The following CAMSAP2 variants were observed in gnomAD, a reference collection of about 807,000 sequenced individuals.
CAMSAP2 encodes the protein calmodulin regulated spectrin associated protein family member 2.
Under a neutral mutation model 146.1 loss-of-function variants are expected in CAMSAP2, and 26 were observed. The ratio of observed to expected loss-of-function variants is 0.18; its 90% confidence interval spans 0.13 to 0.25. The LOEUF (loss-of-function observed/expected upper bound fraction) is 0.25, where lower values mean the gene tolerates loss of function less well. Ranked by LOEUF, CAMSAP2 falls within the 10% of genes least tolerant of loss-of-function variation. CAMSAP2 has a pLI of 1.00. For missense variants in CAMSAP2, 1,381 were observed against 1,759.3 expected (o/e 0.78, Z 3.85); for synonymous variants, 499 against 596.6 (o/e 0.84, Z 2.38).
rs149098535 is a variant in CAMSAP2 at position 200,744,673 on chromosome 1, G to A, written c.139+4707G>A. Among the ~76,000 whole-genome samples the A allele has an allele frequency of 5.3e-3, 803 of 152,292 alleles. 11 individuals carry two copies. Among genetic ancestry groups the A allele is most frequent in the South Asian group, 0.013 (63 of 4,820 alleles). ...GTTAGGATGCGGTGGGGTGGCAGGG[G>A]AGAGGCCATTTCCAGCCTCATCAGT... On this transcript the variant is annotated intron_variant, in intron 1 of 16. Coordinates refer to ENST00000358823, the MANE Select transcript of CAMSAP2 (RefSeq NM_203459.4).
At chr1:200,749,287 A>G (rs1466084814) in intron 1 of CAMSAP2, among the ~76,000 whole-genome samples, 2 of 152,222 alleles carry the variant, frequency 1.3e-5, no homozygotes, top group East Asian at 1.9e-4. Flanking sequence ...GACATGGGAC[A>G]AGGAAGCCTG....
chr1:200,748,696 T>C (rs898152566), intron 1 of CAMSAP2, among the ~76,000 whole-genome samples: 7 of 152,114 alleles, frequency 4.6e-5, no homozygotes, highest in African/African-American at 1.7e-4. Context: ...AGTTTCTCTT[T>C]GTCCTCTGTA....
chr1:200,798,956 A>G (rs1409801513), intron 2 of CAMSAP2, among the ~76,000 whole-genome samples: 1 of 151,870 alleles, frequency 6.6e-6, no homozygotes, highest in East Asian at 1.9e-4. Context: ...CTCTGTTTAT[A>G]TGCTGGATTA....
At chr1:200,833,168 ACTT>A (rs1667088972) in intron 6 of CAMSAP2, among the ~76,000 whole-genome samples, 1 of 152,240 alleles carries the variant, frequency 6.6e-6, no homozygotes. Flanking sequence ...AGTCAAAAGA[ACTT>A]TTGAAGAAAG....
At chr1:200,795,953 C>G (rs1162398865) in intron 2 of CAMSAP2, among the ~76,000 whole-genome samples, 2 of 152,186 alleles carry the variant, frequency 1.3e-5, no homozygotes, top group Admixed American at 6.5e-5. Flanking sequence ...ATTGACATAT[C>G]TAACCAGGGA....
chr1:200,766,300 C>G (rs778590955), intron 2 of CAMSAP2, among the ~76,000 whole-genome samples: 11 of 151,976 alleles, frequency 7.2e-5, no homozygotes, highest in Non-Finnish European at 1.5e-4. Context: ...TGCACCACCC[C>G]ACCTGGCTAA....
At chr1:200,804,420 G>C (rs1328304961) in intron 2 of CAMSAP2, among the ~76,000 whole-genome samples, 1 of 151,780 alleles carries the variant, frequency 6.6e-6, no homozygotes, top group African/African-American at 2.4e-5. Flanking sequence ...TCTTTCTGTT[G>C]TATAATATTA....
At chr1:200,778,459 T>C (rs1189394623) in intron 2 of CAMSAP2, among the ~76,000 whole-genome samples, 3 of 152,192 alleles carry the variant, frequency 2.0e-5, no homozygotes, top group Non-Finnish European at 4.4e-5. Context: ...ATGGTTTGTT[T>C]TCTGCTTTAT....
intron 4 of CAMSAP2, among the ~76,000 whole-genome samples, chr1:200,829,837 G>A (rs1183411406): frequency 2.0e-5 from 3 of 152,034 alleles, no homozygotes; most frequent in Non-Finnish European, 2.9e-5. Context: ...TGAGGTGGGA[G>A]AATCACCTGA....
At chr1:200,845,256 CT>C (rs11375893) in intron 8 of CAMSAP2, among the ~76,000 whole-genome samples, 15 of 148,192 alleles carry the variant, frequency 1.0e-4, no homozygotes, top group East Asian at 2.0e-4. Flanking sequence ...GTTTTTCCTG[CT>C]TTTTTTTTTT....
At chr1:200,826,610 T>A (rs1666913437) in intron 4 of CAMSAP2, among the ~76,000 whole-genome samples, 1 of 152,100 alleles carries the variant, frequency 6.6e-6, no homozygotes, top group African/African-American at 2.4e-5. Flanking sequence ...TTATCCTACC[T>A]TGCCAGAATG....
At chr1:200,810,385 G>T (rs1025068720) in intron 3 of CAMSAP2, among the ~76,000 whole-genome samples, 10 of 152,070 alleles carry the variant, frequency 6.6e-5, no homozygotes, top group Admixed American at 5.9e-4. Context: ...TTCAAGACTA[G>T]CCTGGCCAAC....
At chr1:200,773,213 T>C (rs1665165423) in intron 2 of CAMSAP2, among the ~76,000 whole-genome samples, 1 of 152,156 alleles carries the variant, frequency 6.6e-6, no homozygotes, top group Non-Finnish European at 1.5e-5. Context: ...AGAAGATGAA[T>C]TAAGCATATA....
intron 14 of CAMSAP2, among the ~76,000 whole-genome samples, 157 bp from the exon 15 acceptor site, chr1:200,855,853 C>T (rs2029753): frequency 0.3 from 45,583 of 151,702 alleles, 7,443 homozygotes; most frequent in Middle Eastern, 0.4. Context: ...CCTCGGCCTC[C>T]CAAAGTGCTG....
At chr1:200,808,642 G>A (rs546191370) in intron 3 of CAMSAP2, among the ~76,000 whole-genome samples, 1 of 152,274 alleles carries the variant, frequency 6.6e-6, no homozygotes, top group East Asian at 1.9e-4. Context: ...GAAAATCACA[G>A]TTACATTCTA....
intron 2 of CAMSAP2, among the ~76,000 whole-genome samples, chr1:200,796,857 T>C (rs1353147879): frequency 6.6e-6 from 1 of 151,310 alleles, no homozygotes; most frequent in Non-Finnish European, 1.5e-5. Flanking sequence ...GAGTGTGATA[T>C]TCCCCTTCCT....
At chr1:200,782,617 G>C (rs932765248) in intron 2 of CAMSAP2, among the ~76,000 whole-genome samples, 2 of 151,872 alleles carry the variant, frequency 1.3e-5, no homozygotes, top group Non-Finnish European at 2.9e-5. Flanking sequence ...CATCTATGTT[G>C]CTATGTGTAG....
At chr1:200,834,003 A>G (rs1424011117) in intron 6 of CAMSAP2, among the ~76,000 whole-genome samples, 1 of 152,172 alleles carries the variant, frequency 6.6e-6, no homozygotes, top group African/African-American at 2.4e-5. Context: ...AAAATTTCAC[A>G]TGGGTAGTAT....
intron 2 of CAMSAP2, among the ~76,000 whole-genome samples, chr1:200,784,388 A>G (rs1168767599): frequency 6.6e-6 from 1 of 152,162 alleles, no homozygotes; most frequent in Non-Finnish European, 1.5e-5. Context: ...TAATAGTTTA[A>G]CAATTTGTGT....
Sources: gnomAD v4.1 joint callset for allele counts (sites outside exome capture counted in the v4.1 genomes callset) on GRCh38, gnomAD v4.1.1 for gene constraint, MANE v1.5 for transcripts, NCBI Gene and HGNC (gene_info 2026-07-23, HGNC 2026-07-21) for gene names.